CDH18: variants seen among roughly 807,000 people sequenced by gnomAD.
The protein encoded by CDH18 is cadherin 18.
Under a neutral mutation model 67.9 loss-of-function variants are expected in CDH18, and 31 were observed. The observed-to-expected ratio is 0.46, with a 90% CI of 0.34 to 0.62. CDH18 has a LOEUF of 0.62. Among genes scored for constraint, CDH18 ranks in the 20% least tolerant of loss-of-function variants. The pLI is 0.01. For synonymous variants in CDH18, 362 were observed against 347.2 expected (o/e 1.04, Z -0.48); for missense variants, 890 against 975.5 (o/e 0.91, Z 1.17).
chr5:19,933,560 T>G (rs1793934075), intron 2 of CDH18, among the ~76,000 whole-genome samples: 1 of 151,554 alleles, frequency 6.6e-6, no homozygotes, highest in Admixed American at 6.6e-5. Context: ...TCAATTTTTC[T>G]CTTTTGCACC....
chr5:20,327,970 G>T (rs1461669168), intron 1 of CDH18, among the ~76,000 whole-genome samples: 2 of 151,380 alleles, frequency 1.3e-5, no homozygotes, highest in African/African-American at 4.8e-5. Context: ...ATGTGAATAT[G>T]TGGGGTTTTT....
At chr5:19,626,834 T>C (rs947924396) in intron 5 of CDH18, among the ~76,000 whole-genome samples, 1 of 152,326 alleles carries the variant, frequency 6.6e-6, no homozygotes, top group African/African-American at 2.4e-5. Context: ...ATGCTGGAAT[T>C]AGCTAGTTCT....
intron 1 of CDH18, among the ~76,000 whole-genome samples, chr5:20,353,776 C>T (rs1377597051): frequency 6.6e-6 from 1 of 152,198 alleles, no homozygotes; most frequent in Non-Finnish European, 1.5e-5. Flanking sequence ...TATAATTTGT[C>T]TTTTCTGGCA....
chr5:20,274,128 G>T (rs541759382), intron 1 of CDH18, among the ~76,000 whole-genome samples: 149 of 152,252 alleles, frequency 9.8e-4, no homozygotes, highest in African/African-American at 3.5e-3. Flanking sequence ...CAGAAGCAAA[G>T]AGAAAGGTAC....
intron 2 of CDH18, among the ~76,000 whole-genome samples, chr5:20,248,605 C>T (rs890090335): frequency 6.6e-6 from 1 of 152,200 alleles, no homozygotes; most frequent in Non-Finnish European, 1.5e-5. Context: ...ACAACTCTAT[C>T]TAGAAACCAG....
At chr5:19,718,624 A>G (rs1765628958) in intron 5 of CDH18, among the ~76,000 whole-genome samples, 1 of 151,718 alleles carries the variant, frequency 6.6e-6, no homozygotes, top group Non-Finnish European at 1.5e-5. Context: ...TAACTGTCTA[A>G]CTCTCTAAGA....
At chr5:19,664,222 TA>T (rs1757597609) in intron 5 of CDH18, among the ~76,000 whole-genome samples, 1 of 151,846 alleles carries the variant, frequency 6.6e-6, no homozygotes, top group South Asian at 2.1e-4. Flanking sequence ...CCAGAGAAAA[TA>T]ATATTCATGG....
chr5:19,523,010 G>A (rs1379097182), intron 9 of CDH18, among the ~76,000 whole-genome samples: 4 of 149,470 alleles, frequency 2.7e-5, no homozygotes, highest in African/African-American at 9.9e-5. Flanking sequence ...ACACAAAACA[G>A]AACCCAGCCA....
chr5:19,943,926 C>CA (rs1423121412), intron 2 of CDH18, among the ~76,000 whole-genome samples: 3 of 151,732 alleles, frequency 2.0e-5, no homozygotes, highest in Non-Finnish European at 2.9e-5. Flanking sequence ...TTTGTATTAC[C>CA]AAAAATCAGT....
intron 2 of CDH18, among the ~76,000 whole-genome samples, chr5:20,249,296 TTAAA>T (rs1170759201): frequency 2.0e-5 from 3 of 152,138 alleles, no homozygotes; most frequent in Admixed American, 6.5e-5. Flanking sequence ...TTCATTTCTT[TTAAA>T]TAAATAAATT....
At chr5:20,561,937 A>G (rs924372441) in intron 1 of CDH18, among the ~76,000 whole-genome samples, 3 of 151,916 alleles carry the variant, frequency 2.0e-5, no homozygotes, top group African/African-American at 7.2e-5. Context: ...TTTTATTTGA[A>G]AATATCAATT....
chr5:19,780,562 T>C (rs1469989844), intron 3 of CDH18, among the ~76,000 whole-genome samples: 1 of 152,124 alleles, frequency 6.6e-6, no homozygotes, highest in Non-Finnish European at 1.5e-5. Flanking sequence ...TTACACTGCT[T>C]CTAGACACTT....
At chr5:19,995,753 C>A (rs188138954) in intron 2 of CDH18, among the ~76,000 whole-genome samples, 3 of 152,156 alleles carry the variant, frequency 2.0e-5, no homozygotes, top group African/African-American at 7.2e-5. Flanking sequence ...GCTTCCTGTG[C>A]TTCCCTTATA....
At chr5:20,062,991 C>CTTTTTTTTTTTT (rs5866413) in intron 2 of CDH18, among the ~76,000 whole-genome samples, 1 of 139,138 alleles carries the variant, frequency 7.2e-6, no homozygotes, top group Non-Finnish European at 1.5e-5. Context: ...TTTTTTCTTT[C>CTTTTTTTTTTTT]TTTTTTTTTT....
At chr5:20,292,417 G>C (rs1747172815) in intron 1 of CDH18, among the ~76,000 whole-genome samples, 1 of 152,184 alleles carries the variant, frequency 6.6e-6, no homozygotes, top group Non-Finnish European at 1.5e-5. Context: ...TGAGTGTCCA[G>C]AATGCCCTAC....
At chr5:19,506,398 G>GA (rs1399597336) in intron 10 of CDH18, among the ~76,000 whole-genome samples, 5 of 151,980 alleles carry the variant, frequency 3.3e-5, no homozygotes, top group South Asian at 2.1e-4. Flanking sequence ...CACAGAATTG[G>GA]AAAAAACTAC....
intron 1 of CDH18, among the ~76,000 whole-genome samples, chr5:20,525,253 T>C (rs988524009): frequency 1.3e-5 from 2 of 152,102 alleles, no homozygotes; most frequent in African/African-American, 4.8e-5. Flanking sequence ...GATGCTCTTT[T>C]TGAGAATGCT....
At chr5:20,470,802 C>T (rs73764067) in intron 1 of CDH18, among the ~76,000 whole-genome samples, 6,782 of 152,250 alleles carry the variant, frequency 0.045, 491 homozygotes, top group African/African-American at 0.16. Flanking sequence ...TACTTACCCC[C>T]GGACTTAGCA....
intron 8 of CDH18, among the ~76,000 whole-genome samples, chr5:19,549,605 A>G (rs1406954555): frequency 6.6e-6 from 1 of 151,584 alleles, no homozygotes; most frequent in Non-Finnish European, 1.5e-5. Context: ...TCGGGAAAAG[A>G]AGAAAATAAA....
Sources: allele counts gnomAD v4.1 joint callset (sites outside exome capture counted in the v4.1 genomes callset), GRCh38; gene constraint gnomAD v4.1.1; transcripts MANE v1.5; gene names NCBI Gene and HGNC (gene_info 2026-07-23, HGNC 2026-07-21).